Variants in EWSR1 observed in about 807,000 individuals in gnomAD.
EWSR1 encodes the protein EWS RNA binding protein 1.
In EWSR1, 14 loss-of-function variants were observed where a neutral mutation model predicts 92.1. The observed-to-expected ratio is 0.15, with a 90% CI of 0.10 to 0.24. EWSR1 has a LOEUF of 0.24. Ranked by LOEUF, EWSR1 falls within the 10% of genes least tolerant of loss-of-function variation. The probability of loss-of-function intolerance (pLI) is 1.00; values close to 1 mark genes in which losing one functional copy is unlikely to be tolerated. For missense variants in EWSR1, 637 were observed against 870.9 expected, an observed-to-expected ratio of 0.73 and a Z score of 3.38; for synonymous variants, 303 against 292.9, an observed-to-expected ratio of 1.03 and a Z score of -0.35.
Position 29,300,478 on chromosome 22 carries a change from G to GTTTTT in EWSR1, c.*329_*333dup. ...CTGTAACAATGTTCATGGTTGTGAT[G>GTTTTT]TTTTTTTTTTTTTTTTAAATAAAAT... On this transcript the variant is annotated 3_prime_UTR_variant, in exon 17 of 17. Transcript: ENST00000397938. 5.4e-6 allele frequency: 1 copy of GTTTTT among 185,958 alleles called. No individual in the cohort carries two copies. The highest frequency in any genetic ancestry group is 1.1e-5 in the Non-Finnish European group (1 of 94,902). 11.5% of individuals were successfully genotyped at this position (185,958 alleles called of 1,614,324 possible).
chr22:29,297,230 A>C (rs552877793), intron 12 of EWSR1, among the ~76,000 whole-genome samples: 13 of 152,102 alleles, frequency 8.5e-5, no homozygotes, highest in Non-Finnish European at 1.5e-4. Flanking sequence ...AGCTTACTGC[A>C]ACCTCCACCT....
intron 1 of EWSR1, among the ~76,000 whole-genome samples, chr22:29,270,861 C>G (rs2058622097): frequency 6.6e-6 from 1 of 152,050 alleles, no homozygotes; most frequent in Non-Finnish European, 1.5e-5. Flanking sequence ...ATTGAAAATG[C>G]CTTTAAGATT....
intron 5 of EWSR1, among the ~76,000 whole-genome samples, chr22:29,281,007 G>A (rs529472742): frequency 1.4e-4 from 21 of 150,492 alleles, no homozygotes; most frequent in African/African-American, 5.1e-4. Flanking sequence ...AGCCTCCCAA[G>A]TAGCTGGGAC....
chr22:29,273,901 G>A, intron 4 of EWSR1, 37 bp downstream of exon 4: 6 of 1,611,392 alleles, frequency 3.7e-6, no homozygotes, highest in Non-Finnish European at 5.1e-6. Context: ...GGGTCGTTCT[G>A]GCTAGGGCAT....
intron 1 of EWSR1, chr22:29,269,528 C>G (rs896163007): frequency 6.6e-6 from 1 of 152,168 alleles, no homozygotes; most frequent in African/African-American, 2.4e-5. Flanking sequence ...CCACCTGGTT[C>G]CAGGCCTTAG....
chr22:29,277,261 T>G (rs1383740944), intron 4 of EWSR1: 2 of 226,826 alleles, frequency 8.8e-6, no homozygotes, highest in Non-Finnish European at 8.8e-6. Flanking sequence ...GCCTTTTGCT[T>G]GTGGTAGGTA....
chr22:29,285,891 G>T (rs1332736973), intron 6 of EWSR1, among the ~76,000 whole-genome samples: 1 of 151,998 alleles, frequency 6.6e-6, no homozygotes, highest in Non-Finnish European at 1.5e-5. Context: ...AGGCTGGAGT[G>T]CAGTGGCACT....
chr22:29,269,819 A>C (rs2058511136), intron 1 of EWSR1, among the ~76,000 whole-genome samples: 1 of 152,368 alleles, frequency 6.6e-6, no homozygotes, highest in Admixed American at 6.5e-5. Flanking sequence ...CTGAAAAGGC[A>C]AAACGTGTGC....
At chr22:29,268,887 C>T (rs533178274) in intron 1 of EWSR1, among the ~76,000 whole-genome samples, 6 of 152,364 alleles carry the variant, frequency 3.9e-5, no homozygotes, top group East Asian at 3.9e-4. Flanking sequence ...CCTTAAGACC[C>T]AGTCGGCTGG....
chr22:29,283,457 T>C (rs1028541170), intron 6 of EWSR1, among the ~76,000 whole-genome samples: 4 of 146,752 alleles, frequency 2.7e-5, no homozygotes, highest in Non-Finnish European at 5.9e-5. Context: ...CTAGGGATTC[T>C]CATGCCTCAG....
At chr22:29,289,768 C>T (rs1010268665) in intron 8 of EWSR1, 1 of 231,854 alleles carries the variant, frequency 4.3e-6, no homozygotes, top group African/African-American at 2.2e-5. Flanking sequence ...TCCATATTAG[C>T]AAATACTCTT....
chr22:29,269,881 A>G (rs1283078548), intron 1 of EWSR1, among the ~76,000 whole-genome samples: 3 of 152,220 alleles, frequency 2.0e-5, no homozygotes, highest in Non-Finnish European at 4.4e-5. Context: ...ACTTTGTTCA[A>G]ACCTTGTTCA....
intron 1 of EWSR1, among the ~76,000 whole-genome samples, chr22:29,270,461 C>T (rs184585321): frequency 1.3e-5 from 2 of 152,180 alleles, no homozygotes; most frequent in South Asian, 2.1e-4. Context: ...TTTGCATCAA[C>T]CTAATAGCTT....
intron 11 of EWSR1, among the ~76,000 whole-genome samples, chr22:29,293,210 G>A (rs975814122): frequency 1.3e-5 from 2 of 151,938 alleles, no homozygotes; most frequent in African/African-American, 4.8e-5. Context: ...ATTTTTGCCT[G>A]TTGGCCGGGC....
chr22:29,298,776 G>A lies in EWSR1; in HGVS notation c.1461G>A (p.Met487Ile), dbSNP rs1338839556. Residue 487 changes from methionine (M) to isoleucine (I), a missense_variant, in exon 14 of 17, where the codon ATG becomes ATA. Around this residue, in one of 5 missense-constraint regions of EWSR1, gnomAD observed 363 missense variants for 447.8 expected, o/e 0.81. Coordinates refer to ENST00000397938, the MANE Select transcript of EWSR1 (RefSeq NM_005243.4). ...PGGPGGPMGR[M>I]GGRGGDRGGF... ...GTCCTGGGGGACCCATGGGTCGCAT[G>A]GGAGGCCGTGGAGGAGATAGAGGAG... 2 of 1,613,690 alleles carry A rather than the reference G, an allele frequency of 1.2e-6. No homozygotes were observed. Among genetic ancestry groups the A allele is most frequent in the African/African-American group, 1.3e-5 (1 of 74,892 alleles).
rs201537508 is a variant in EWSR1, at chr22:29,272,274, G to A, written c.50+22G>A. ...AGGGGTAAGTCAGTCTTTTATAACC[G>A]TATTTTGTGTGTGATTAATATTTTT... On this transcript the variant is annotated intron_variant, in intron 2 of 16. Transcript: ENST00000397938. 558 of 1,613,614 alleles carry A rather than the reference G, an allele frequency of 3.5e-4. No homozygotes were observed. In the African/African-American group the frequency reaches 6.0e-3, roughly 17 times the overall value.
At chr22:29,297,687 T>G in intron 12 of EWSR1, 140 bp from the exon 13 acceptor site, 1 of 1,224,968 alleles carries the variant, frequency 8.2e-7, no homozygotes, top group Non-Finnish European at 1.1e-6. Context: ...AAAAAAGCCT[T>G]TTTCTGGCCT....
intron 1 of EWSR1, among the ~76,000 whole-genome samples, chr22:29,270,896 T>G (rs778691181): frequency 6.6e-5 from 10 of 152,216 alleles, no homozygotes; most frequent in Admixed American, 2.6e-4. Flanking sequence ...ATTTTTTTCA[T>G]TATAGGTTAG....
chr22:29,287,182 T>C (rs1241684355), intron 7 of EWSR1, 48 bp downstream of exon 7: 1 of 1,560,844 alleles, frequency 6.4e-7, no homozygotes. Flanking sequence ...GTGTTTAGAG[T>C]TTTTTTGTGG....
Sources: gnomAD v4.1 joint callset for allele counts (sites outside exome capture counted in the v4.1 genomes callset) on GRCh38, gnomAD v4.1.1 for gene constraint, gnomAD v4.1.1 regional missense constraint, MANE v1.5 for transcripts, NCBI Gene and HGNC (gene_info 2026-07-23, HGNC 2026-07-21) for gene names.